The following PVALEF variants were observed in gnomAD, a reference collection of about 807,000 sequenced individuals.
PVALEF encodes parvalbumin-like EF-hand-containing protein.
In PVALEF, 2 loss-of-function variants were observed where a neutral mutation model predicts 1.2. The observed-to-expected ratio is 1.68, with a 90% CI of 0.69 to 5.28. The LOEUF is 5.28. PVALEF is among the 30% of genes most tolerant of loss of function. PVALEF has a pLI of 0.06. For missense variants in PVALEF, 35 were observed against 17.7 expected, an observed-to-expected ratio of 1.97 and a Z score of -1.75; for synonymous variants, 16 against 6.5, an observed-to-expected ratio of 2.47 and a Z score of -2.24.
rs2146446383 is a variant in PVALEF, at chr17:81,174,064, A to G, written c.-339-4854A>G. Reference sequence around the variant, plus strand: ...AGAAAACACGTGATTATCTCAACCAATGCAGAAAAAGACAAAATTCAATAC... The same window carrying G: ...AGAAAACACGTGATTATCTCAACCAGTGCAGAAAAAGACAAAATTCAATAC... On this transcript the variant is annotated intron_variant, in intron 2 of 6. Transcript: ENST00000637878. Among the ~76,000 whole-genome samples the G allele has an allele frequency of 1.3e-5, 2 of 152,332 alleles. 1 individual carries two copies. Among genetic ancestry groups the G allele is most frequent in the Middle Eastern group, 6.8e-3 (2 of 294 alleles).
chr17:81,171,682 C>T (rs915649997), intron 2 of PVALEF, among the ~76,000 whole-genome samples: 6 of 151,950 alleles, frequency 3.9e-5, no homozygotes, highest in Non-Finnish European at 8.8e-5. Flanking sequence ...TTAGTAGAGA[C>T]GGGGTTTCAC....
chr17:81,169,635 G>A (rs1487252635), intron 2 of PVALEF, among the ~76,000 whole-genome samples: 1 of 152,188 alleles, frequency 6.6e-6, no homozygotes, highest in African/African-American at 2.4e-5. Flanking sequence ...CCAGGGGAGG[G>A]TCCTTCCTGC....
chr17:81,177,420 C>G (rs959768109), intron 2 of PVALEF, among the ~76,000 whole-genome samples: 1 of 151,824 alleles, frequency 6.6e-6, no homozygotes, highest in Admixed American at 6.6e-5. Context: ...TGGCGGCATG[C>G]ACCTGTAATT....
rs1397242084 is a variant in PVALEF, at chr17:81,181,326, C to T, written c.100C>T (p.His34Tyr). The T allele has an allele frequency of 2.2e-5, 15 of 673,964 alleles. No homozygotes were observed. The highest frequency in any genetic ancestry group is 1.9e-4 in the East Asian group (7 of 36,704). 41.7% of individuals were successfully genotyped at this position (673,964 alleles called of 1,614,324 possible). The change falls in exon 4 of 7, where the codon CAC becomes TAC. Residue 34 changes from histidine (H) to tyrosine (Y), a missense_variant. His to Tyr is a moderately conservative substitution (Grantham distance 83, BLOSUM62 2). Transcript: ENST00000637878. ...DIELLPTDMR[H>Y]HGSFNYLKFF... ...TGAGCTGCTGCCCACAGACATGAGA[C>T]ACCACGGTACAGCATGCCCCCGCCC...
At chr17:81,173,194 T>G (rs2061526361) in intron 2 of PVALEF, among the ~76,000 whole-genome samples, 1 of 152,166 alleles carries the variant, frequency 6.6e-6, no homozygotes, top group Admixed American at 6.5e-5. Flanking sequence ...TAGAGATCCC[T>G]TCTCCTTCCA....
rs199796820 is a variant in PVALEF, at chr17:81,181,244, C to T, written c.18C>T (p.Ser6=). 285 of 702,850 alleles carry T rather than the reference C, an allele frequency of 4.1e-4. 1 individual carries two copies. In the East Asian group the frequency reaches 7.4e-3, roughly 18 times the overall value. The allele number at this position is 702,850 out of a possible 1,614,324, so 43.5% of individuals were successfully genotyped here. A position where few individuals can be genotyped will look rare whatever the true frequency, so the allele number is the denominator to read the frequency against. ...GGACCAGGATGGAGGAGGACTTCTC[C>T]TCCCAGATGAAGAAGATGGCCTTGG... The part of the protein sequence containing the change: MEEDF[S]SQMKKMALAM... The change falls in exon 4 of 7, where the codon TCC becomes TCT. Residue 6 remains serine (S), a synonymous_variant. Coordinates refer to ENST00000637878, the MANE Select transcript of PVALEF (RefSeq NM_001354639.2).
Position 81,181,280 on chromosome 17 carries a change from G to A in PVALEF, c.54G>A (p.Thr18=), listed in dbSNP as rs1217480051. ...QMKKMALAMG[T]SLSDKDIELL... ...AGAAGATGGCCTTGGCCATGGGCAC[G>A]TCCCTATCAGACAAGGACATTGAGC... Residue 18 remains threonine, a synonymous_variant, in exon 4 of 7, where the codon ACG becomes ACA. Coordinates refer to ENST00000637878, the MANE Select transcript of PVALEF (RefSeq NM_001354639.2). 14 of 701,114 alleles carry A rather than the reference G, an allele frequency of 2.0e-5. No individual in the cohort carries two copies. The highest frequency in any genetic ancestry group is 2.6e-5 in the Non-Finnish European group (10 of 384,064). The allele number at this position is 701,114 out of a possible 1,614,324, so 43.4% of individuals were successfully genotyped here. A position where few individuals can be genotyped will look rare whatever the true frequency, so the allele number is the denominator to read the frequency against.
intron 1 of PVALEF, 25 bp downstream of exon 1, chr17:81,165,772 C>T (rs1379259100): frequency 4.6e-6 from 7 of 1,510,004 alleles, no homozygotes; most frequent in African/African-American, 4.2e-5. Context: ...CCAGGGCCTG[C>T]CCCTCCGAGA....
chr17:81,168,991 T>C (rs969100182), intron 2 of PVALEF, among the ~76,000 whole-genome samples: 2 of 152,206 alleles, frequency 1.3e-5, no homozygotes, highest in African/African-American at 4.8e-5. Context: ...TGACACATGC[T>C]ACCACATGGA....
In PVALEF at chr17:81,166,839, T is replaced by TA. The variant is rs2061497467; in HGVS notation, c.-344dup. 1 of 431,006 alleles carries TA rather than the reference T, an allele frequency of 2.3e-6. No individual in the cohort carries two copies. Among genetic ancestry groups the TA allele is most frequent in the Non-Finnish European group, 4.7e-6 (1 of 211,298 alleles). The allele number at this position is 431,006 out of a possible 1,614,324, so 26.7% of individuals were successfully genotyped here. On this transcript the variant is annotated 5_prime_UTR_variant, in exon 2 of 7. The change creates a premature stop within an existing upstream ORF in the 5' untranslated region. Coordinates refer to ENST00000637878, the MANE Select transcript of PVALEF (RefSeq NM_001354639.2). ...CTGAGTCTCCACCTGCCGTGGACTG[T>TA]ACCAGGTGCTTAGGGCAGCAGGTTG...
intron 2 of PVALEF, among the ~76,000 whole-genome samples, chr17:81,168,574 A>G (rs1347381751): frequency 6.6e-6 from 1 of 152,180 alleles, no homozygotes; most frequent in Non-Finnish European, 1.5e-5. Flanking sequence ...TCTGGGTAAG[A>G]GGTCCCTGAA....
intron 6 of PVALEF, 63 bp downstream of exon 6, chr17:81,182,144 G>A (rs2061556725): frequency 2.5e-6 from 1 of 398,516 alleles, no homozygotes; most frequent in Non-Finnish European, 4.4e-6. Context: ...CGCCACCCTT[G>A]CCCATGGCCC....
intron 3 of PVALEF, among the ~76,000 whole-genome samples, chr17:81,180,408 G>A (rs1468356424): frequency 3.3e-5 from 5 of 152,154 alleles, no homozygotes; most frequent in African/African-American, 1.2e-4. Context: ...GAAGTGGGGC[G>A]GGGCCTGTCC....
intron 2 of PVALEF, among the ~76,000 whole-genome samples, chr17:81,170,214 TTGG>T (rs1011980516): frequency 7.2e-5 from 11 of 151,788 alleles, no homozygotes; most frequent in African/African-American, 2.2e-4. Flanking sequence ...TGTAGGTGTG[TTGG>T]TATGTGTGCA....
rs571962561 is a variant in PVALEF at position 81,181,782 on chromosome 17, G to A, written c.242+88G>A. ...ATGGCGGACCCGGCCTTCCCCCACCGGGTCCCCGCTGGCCTTGCAGCTGGC... is the reference window on the plus strand; with the variant it reads ...ATGGCGGACCCGGCCTTCCCCCACCAGGTCCCCGCTGGCCTTGCAGCTGGC... On this transcript the variant is annotated intron_variant, in intron 5 of 6. Transcript: ENST00000637878. 30 of 398,418 alleles carry A rather than the reference G, an allele frequency of 7.5e-5. No individual in the cohort carries two copies. The South Asian group carries it at 3.1e-3, about 42-fold the overall frequency. The allele number at this position is 398,418 out of a possible 1,614,324, so 24.7% of individuals were successfully genotyped here. A position where few individuals can be genotyped will look rare whatever the true frequency, so the allele number is the denominator to read the frequency against.
At chr17:81,171,366 C>G (rs1179660980) in intron 2 of PVALEF, among the ~76,000 whole-genome samples, 1 of 152,216 alleles carries the variant, frequency 6.6e-6, no homozygotes, top group African/African-American at 2.4e-5. Flanking sequence ...CCACGCCAGG[C>G]TCCCCAGGCC....
chr17:81,181,990 C>A lies in PVALEF; in HGVS notation c.267C>A (p.Ser89Arg). The change falls in exon 6 of 7, where the codon AGC (serine) becomes AGA (arginine). Residue 89 changes from serine to arginine, a missense_variant. Physicochemically the swap from Ser to Arg is moderately radical, Grantham distance 110. Transcript: ENST00000637878. ...GGTACATCCTGTCCATCATCCCCAGCAGCGGGCCCACCACCCCGCTGACAG... is the reference window on the plus strand; with the variant it reads ...GGTACATCCTGTCCATCATCCCCAGAAGCGGGCCCACCACCCCGCTGACAG... ...EIKYILSIIP[S>R]SGPTTPLTDE... 1 of 398,716 alleles carries A rather than the reference C, an allele frequency of 2.5e-6. No homozygotes were observed. The allele number at this position is 398,716 out of a possible 1,614,324, so 24.7% of individuals were successfully genotyped here. A position where few individuals can be genotyped will look rare whatever the true frequency, so the allele number is the denominator to read the frequency against.
chr17:81,169,321 C>T (rs773613174), intron 2 of PVALEF, among the ~76,000 whole-genome samples: 34 of 152,110 alleles, frequency 2.2e-4, no homozygotes, highest in Non-Finnish European at 4.0e-4. Context: ...AGTAATCGGC[C>T]GGGCGCAGTG....
Position 81,179,119 on chromosome 17 carries a change from A to C in PVALEF, c.-138A>C, listed in dbSNP as rs2061545114. ...GCCTCTCCACACCCCAGCCTGACCC[A>C]CCTTCCAGAACTCTCGAAAGAAGCC... On this transcript the variant is annotated 5_prime_UTR_variant, in exon 3 of 7. Transcript: ENST00000637878. 1 of 401,428 alleles carries C rather than the reference A, an allele frequency of 2.5e-6. No individual in the cohort carries two copies. 24.9% of individuals were successfully genotyped at this position (401,428 alleles called of 1,614,324 possible).
Sources: gnomAD v4.1 joint callset for allele counts (sites outside exome capture counted in the v4.1 genomes callset) on GRCh38, gnomAD v4.1.1 for gene constraint, MANE v1.5 for transcripts, NCBI Gene and HGNC (gene_info 2026-07-23, HGNC 2026-07-21) for gene names.